Variants in LDLRAD4 observed in about 807,000 individuals in gnomAD.
The protein encoded by LDLRAD4 is low-density lipoprotein receptor class A domain-containing protein 4.
A neutral mutation model predicts 17.0 loss-of-function variants in LDLRAD4; 5 were observed. The observed-to-expected ratio is 0.29, with a 90% confidence interval of 0.15 to 0.62. LDLRAD4 has a LOEUF of 0.62. Ranked by LOEUF, LDLRAD4 falls within the 20% of genes least tolerant of loss-of-function variation. The pLI, the probability that LDLRAD4 is intolerant of heterozygous loss-of-function variation, is 0.84. For synonymous variants in LDLRAD4, 168 were observed against 171.8 expected (o/e 0.98, Z 0.17); for missense variants, 340 against 424.7 (o/e 0.80, Z 1.75).
At chr18:13,444,294 A>T (rs2091239024) in intron 3 of LDLRAD4, among the ~76,000 whole-genome samples, 1 of 152,132 alleles carries the variant, frequency 6.6e-6, no homozygotes, top group Non-Finnish European at 1.5e-5. Flanking sequence ...GAATTTGGGG[A>T]TTGTCAATGA....
chr18:13,438,246 T>A, exon 3 of LDLRAD4: 1 of 1,614,024 alleles, frequency 6.2e-7, no homozygotes, highest in Non-Finnish European at 8.5e-7. Context: ...TTTTTCAGAG[T>A]GCAAATTCAC....
chr18:13,651,963 T>A (rs1317542780), exon 6 of LDLRAD4: 1 of 152,238 alleles, frequency 6.6e-6, no homozygotes, highest in Non-Finnish European at 1.5e-5. Flanking sequence ...GTCAGCCCTT[T>A]TAGTATCTGT....
At chr18:13,400,237 C>T (rs1020231298) in intron 2 of LDLRAD4, among the ~76,000 whole-genome samples, 2 of 152,198 alleles carry the variant, frequency 1.3e-5, no homozygotes, top group South Asian at 2.1e-4. Flanking sequence ...TACACTTGCA[C>T]AGTTAGTTTA....
At chr18:13,472,230 A>C (rs1398564071) in intron 3 of LDLRAD4, 1 of 152,336 alleles carries the variant, frequency 6.6e-6, no homozygotes, top group Non-Finnish European at 1.5e-5. Context: ...AGTCCCTGCA[A>C]CCAGATCAGC....
intron 1 of LDLRAD4, among the ~76,000 whole-genome samples, chr18:13,377,512 TTTC>T (rs1284633152): frequency 6.6e-6 from 1 of 152,166 alleles, no homozygotes; most frequent in Non-Finnish European, 1.5e-5. Flanking sequence ...CTGCAAATAA[TTTC>T]TTCTTCTGGT....
chr18:13,253,921 G>T (rs1378453622), intron 1 of LDLRAD4, among the ~76,000 whole-genome samples: 1 of 152,230 alleles, frequency 6.6e-6, no homozygotes, highest in East Asian at 1.9e-4. Context: ...TACTCACTGA[G>T]TGCCCAGTGT....
chr18:13,419,878 G>T (rs187646981), intron 2 of LDLRAD4: 1 of 152,204 alleles, frequency 6.6e-6, no homozygotes. Flanking sequence ...AGACACAGAC[G>T]TGAGCCTGGT....
At chr18:13,431,564 G>A (rs2090336237) in intron 2 of LDLRAD4, among the ~76,000 whole-genome samples, 2 of 152,140 alleles carry the variant, frequency 1.3e-5, no homozygotes, top group Admixed American at 1.3e-4. Context: ...GAGTACTTTG[G>A]ACTTTTAAGA....
chr18:13,267,307 C>T (rs889429764), intron 1 of LDLRAD4, among the ~76,000 whole-genome samples: 6 of 152,142 alleles, frequency 3.9e-5, no homozygotes, highest in South Asian at 2.1e-4. Flanking sequence ...CAGTTTCACG[C>T]GTGTGTGTGT....
chr18:13,271,408 T>C (rs1383389526), intron 1 of LDLRAD4, among the ~76,000 whole-genome samples: 2 of 152,150 alleles, frequency 1.3e-5, no homozygotes, highest in African/African-American at 4.8e-5. Context: ...GAAGGCCCAT[T>C]TCCCAATTCC....
At chr18:13,380,909 G>GC (rs965270054) in intron 1 of LDLRAD4, among the ~76,000 whole-genome samples, 57 of 151,952 alleles carry the variant, frequency 3.8e-4, no homozygotes, top group African/African-American at 1.1e-3. Context: ...ATGTTATTTT[G>GC]CCCCCCCACA....
intron 3 of LDLRAD4, among the ~76,000 whole-genome samples, chr18:13,451,437 T>C (rs57678309): frequency 0.21 from 31,270 of 152,034 alleles, 4,886 homozygotes; most frequent in African/African-American, 0.44. Context: ...ACCAGTCCCC[T>C]TTTACCTTGC....
chr18:13,380,919 A>G (rs536902450), intron 1 of LDLRAD4, among the ~76,000 whole-genome samples: 53 of 152,168 alleles, frequency 3.5e-4, no homozygotes, highest in African/African-American at 1.2e-3. Context: ...GCCCCCCCAC[A>G]TCACAGAGAT....
At chr18:13,412,134 C>G (rs779797216) in intron 2 of LDLRAD4, among the ~76,000 whole-genome samples, 3 of 152,238 alleles carry the variant, frequency 2.0e-5, no homozygotes, top group African/African-American at 7.2e-5. Flanking sequence ...TGAGCCATCA[C>G]GCCTGGCCTG....
At chr18:13,529,689 C>T (rs2094097259) in intron 3 of LDLRAD4, among the ~76,000 whole-genome samples, 1 of 152,222 alleles carries the variant, frequency 6.6e-6, no homozygotes, top group Admixed American at 6.5e-5. Context: ...GAAAATATAA[C>T]TTTTGGATCA....
At chr18:13,252,348 C>T (rs921940012) in intron 1 of LDLRAD4, among the ~76,000 whole-genome samples, 4 of 152,152 alleles carry the variant, frequency 2.6e-5, no homozygotes, top group African/African-American at 7.2e-5. Context: ...AGGCTGGTCT[C>T]GAACTCCTGA....
At chr18:13,494,826 A>G (rs890475093) in intron 3 of LDLRAD4, among the ~76,000 whole-genome samples, 40 of 143,898 alleles carry the variant, frequency 2.8e-4, no homozygotes, top group Non-Finnish European at 6.2e-5. Context: ...TTGTTCACGA[A>G]GTCTTCAACA....
chr18:13,454,224 G>T (rs1270643237), intron 3 of LDLRAD4, among the ~76,000 whole-genome samples: 1 of 152,306 alleles, frequency 6.6e-6, no homozygotes, highest in Non-Finnish European at 1.5e-5. Context: ...GGGTGCAGTC[G>T]TTTGATGAAA....
chr18:13,587,194 G>A (rs1376364854), intron 3 of LDLRAD4, among the ~76,000 whole-genome samples: 1 of 152,070 alleles, frequency 6.6e-6, no homozygotes, highest in East Asian at 1.9e-4. Flanking sequence ...AGTAGATCTG[G>A]GTGGACCTGA....
Sources: allele counts gnomAD v4.1 joint callset (sites outside exome capture counted in the v4.1 genomes callset), GRCh38; gene constraint gnomAD v4.1.1; transcripts MANE v1.5; gene names NCBI Gene and HGNC (gene_info 2026-07-23, HGNC 2026-07-21).